Variants in CACNG3 observed in about 807,000 individuals in gnomAD.
CACNG3 encodes calcium voltage-gated channel auxiliary subunit gamma 3.
Under a neutral mutation model 28.5 loss-of-function variants are expected in CACNG3, and 3 were observed. The observed-to-expected ratio is 0.11, with a 90% CI of 0.05 to 0.27. The LOEUF (loss-of-function observed/expected upper bound fraction) is 0.27. CACNG3 is among the 10% of genes least tolerant of loss of function. CACNG3 has a pLI of 1.00. For missense variants in CACNG3, 236 were observed against 414.4 expected, an observed-to-expected ratio of 0.57 and a Z score of 3.74; for synonymous variants, 174 against 162.2, an observed-to-expected ratio of 1.07 and a Z score of -0.55.
intron 1 of CACNG3, among the ~76,000 whole-genome samples, chr16:24,265,785 C>T (rs113797799): frequency 6.6e-6 from 1 of 152,070 alleles, no homozygotes; most frequent in African/African-American, 2.4e-5. Context: ...TTTATAGAAA[C>T]TTGTTTTATT....
At chr16:24,279,138 G>A (rs984604876) in intron 1 of CACNG3, among the ~76,000 whole-genome samples, 5 of 152,144 alleles carry the variant, frequency 3.3e-5, no homozygotes, top group Admixed American at 1.3e-4. Flanking sequence ...AGATCTTTGG[G>A]AGGCACGTTA....
chr16:24,308,511 T>A (rs1166706495), intron 1 of CACNG3, among the ~76,000 whole-genome samples: 1 of 152,172 alleles, frequency 6.6e-6, no homozygotes, highest in East Asian at 1.9e-4. Flanking sequence ...TGCTTCTATA[T>A]TCCTAAATCT....
At chr16:24,337,272 C>CA (rs1899725184) in intron 1 of CACNG3, among the ~76,000 whole-genome samples, 1 of 152,164 alleles carries the variant, frequency 6.6e-6, no homozygotes. Context: ...GTCAGATAGG[C>CA]ACCTGCTGAA....
At chr16:24,265,433 G>C (rs1468454547) in intron 1 of CACNG3, among the ~76,000 whole-genome samples, 2 of 18,786 alleles carry the variant, frequency 1.1e-4, no homozygotes, top group Non-Finnish European at 2.1e-4. Context: ...GAAGGAAGGA[G>C]AGAGAGAGAA....
At chr16:24,287,093 C>G (rs1408231027) in intron 1 of CACNG3, among the ~76,000 whole-genome samples, 2 of 152,248 alleles carry the variant, frequency 1.3e-5, no homozygotes, top group African/African-American at 2.4e-5. Context: ...GCTTTCTTCT[C>G]TCCTTTCTCT....
At chr16:24,274,526 A>C (rs751315738) in intron 1 of CACNG3, among the ~76,000 whole-genome samples, 3 of 152,174 alleles carry the variant, frequency 2.0e-5, no homozygotes, top group Non-Finnish European at 2.9e-5. Flanking sequence ...CATGGTTACC[A>C]CTGCTCTGTT....
intron 1 of CACNG3, chr16:24,333,383 T>C (rs1270668772): frequency 6.6e-6 from 1 of 152,242 alleles, no homozygotes; most frequent in Non-Finnish European, 1.5e-5. Context: ...GGGTTTTTTT[T>C]CTTTTATTTT....
chr16:24,276,747 G>T (rs1898758434), intron 1 of CACNG3, among the ~76,000 whole-genome samples: 1 of 152,206 alleles, frequency 6.6e-6, no homozygotes, highest in African/African-American at 2.4e-5. Context: ...GTTGGACAGA[G>T]CCTGGAGGAT....
chr16:24,280,730 C>T (rs1898813682), intron 1 of CACNG3, among the ~76,000 whole-genome samples: 2 of 145,882 alleles, frequency 1.4e-5, no homozygotes, highest in African/African-American at 5.1e-5. Flanking sequence ...GCATGAAAAT[C>T]ACTTGAACCT....
chr16:24,352,315 C>G (rs895453121), intron 2 of CACNG3, among the ~76,000 whole-genome samples: 31 of 152,048 alleles, frequency 2.0e-4, no homozygotes, highest in African/African-American at 6.8e-4. Context: ...CCTCCCCGGC[C>G]CCACCCCATT....
intron 1 of CACNG3, among the ~76,000 whole-genome samples, chr16:24,275,458 G>A (rs1170560938): frequency 6.6e-6 from 1 of 152,174 alleles, no homozygotes; most frequent in African/African-American, 2.4e-5. Flanking sequence ...GTAACCAAAT[G>A]AGAACTATGC....
chr16:24,341,885 C>A (rs1899793286), intron 1 of CACNG3, among the ~76,000 whole-genome samples: 1 of 152,232 alleles, frequency 6.6e-6, no homozygotes, highest in Non-Finnish European at 1.5e-5. Flanking sequence ...GGATTCATTA[C>A]TCCCGCATGG....
intron 1 of CACNG3, among the ~76,000 whole-genome samples, chr16:24,328,944 C>A (rs74953563): frequency 0.01 from 1,594 of 152,260 alleles, 33 homozygotes; most frequent in African/African-American, 0.036. Flanking sequence ...AGGCTCACCC[C>A]ACTCAGAGAC....
At chr16:24,314,875 C>T (rs150032659) in intron 1 of CACNG3, among the ~76,000 whole-genome samples, 4 of 151,922 alleles carry the variant, frequency 2.6e-5, no homozygotes, top group Non-Finnish European at 4.4e-5. Context: ...CTGCAGGTTC[C>T]GAGGGTTATG....
In CACNG3 at chr16:24,262,752, A is replaced by G. The variant is rs188748216; in HGVS notation, c.211+5787A>G. Among the ~76,000 whole-genome samples, 724 of 152,280 alleles carry G rather than the reference A, an allele frequency of 4.8e-3. 17 individuals are homozygous for G. The highest frequency in any genetic ancestry group is 4.3e-3 in the Admixed American group (66 of 15,294). The stretch of plus-strand genomic sequence containing the variant: ...TCCTCTTCTTTCTTCCTCAAACCCA[A>G]TCTTCTACCTGACTGTGGGATTCCA... On this transcript the variant is annotated intron_variant, in intron 1 of 3. Coordinates refer to ENST00000005284, the MANE Select transcript of CACNG3 (RefSeq NM_006539.4).
chr16:24,266,296 G>A (rs1898608069), intron 1 of CACNG3, among the ~76,000 whole-genome samples: 1 of 152,232 alleles, frequency 6.6e-6, no homozygotes, highest in Non-Finnish European at 1.5e-5. Context: ...AGCTGGTGTT[G>A]GGAGTTTAGG....
intron 1 of CACNG3, among the ~76,000 whole-genome samples, chr16:24,315,488 TTTC>T (rs1244128989): frequency 2.7e-5 from 4 of 148,700 alleles, no homozygotes; most frequent in African/African-American, 9.8e-5. Context: ...TCTCTCTTTC[TTTC>T]TTTTCCTGCT....
chr16:24,272,847 T>A (rs948680676), intron 1 of CACNG3, among the ~76,000 whole-genome samples: 2 of 152,236 alleles, frequency 1.3e-5, no homozygotes, highest in African/African-American at 4.8e-5. Context: ...ATTGCTTTTT[T>A]AAAATTTTAT....
rs368689556 is a variant in CACNG3 at position 24,306,967 on chromosome 16, A to C, written c.212-39767A>C. Among the ~76,000 whole-genome samples the C allele has an allele frequency of 1.2e-3, 186 of 152,274 alleles. 4 individuals carry two copies. In the South Asian group the frequency reaches 0.036, roughly 30 times the overall value. On this transcript the variant is annotated intron_variant, in intron 1 of 3. Transcript: ENST00000005284. ...ATCCGACACAACTGATTCACAGTTGAGTGCCGCTCCGGGTACTGCTCTCAG... is the reference window on the plus strand; with the variant it reads ...ATCCGACACAACTGATTCACAGTTGCGTGCCGCTCCGGGTACTGCTCTCAG...
Sources: allele counts gnomAD v4.1 joint callset (sites outside exome capture counted in the v4.1 genomes callset), GRCh38; gene constraint gnomAD v4.1.1; transcripts MANE v1.5; gene names NCBI Gene and HGNC (gene_info 2026-07-23, HGNC 2026-07-21).